SDHB: variants seen among roughly 807,000 people sequenced by gnomAD.
SDHB encodes the protein succinate dehydrogenase complex iron sulfur subunit B, also known as succinate dehydrogenase [ubiquinone] iron-sulfur subunit, mitochondrial.
In SDHB, 21 loss-of-function variants were observed where a neutral mutation model predicts 39.7. The ratio of observed to expected loss-of-function variants is 0.53; its 90% CI spans 0.37 to 0.76. The LOEUF (loss-of-function observed/expected upper bound fraction) is 0.76, where lower values mean the gene tolerates loss of function less well. SDHB is among the 30% of genes least tolerant of loss of function. The probability of loss-of-function intolerance (pLI) is 0.00; values close to 1 mark genes in which losing one functional copy is unlikely to be tolerated. For synonymous variants in SDHB, 118 were observed against 117.0 expected, an observed-to-expected ratio of 1.01 and a Z score of -0.06; for missense variants, 343 against 350.9, an observed-to-expected ratio of 0.98 and a Z score of 0.18.
rs2101528858 is a variant in SDHB at position 17,033,067 on chromosome 1, G to A, written c.279C>T (p.Cys93=). ...CAGGAATGAAATGCTCACCTTCTCTGCATGATCTTCGGAAGGTCAAAGTAG... is the reference window on the plus strand; with the variant it reads ...CAGGAATGAAATGCTCACCTTCTCTACATGATCTTCGGAAGGTCAAAGTAG... ...VDSTLTFRRS[C]REGICGSCAM... The change falls in exon 3 of 8, where the codon TGC becomes TGT. Residue 93 remains cysteine (C), a synonymous_variant. Coordinates refer to ENST00000375499, the MANE Select transcript of SDHB (RefSeq NM_003000.3). 3 of 1,612,186 alleles carry A rather than the reference G, an allele frequency of 1.9e-6. No individual in the cohort carries two copies. Among genetic ancestry groups the A allele is most frequent in the Non-Finnish European group, 2.5e-6 (3 of 1,178,248 alleles).
At chr1:17,032,642 T>C in intron 3 of SDHB, 1 of 293,458 alleles carries the variant, frequency 3.4e-6, no homozygotes, top group South Asian at 3.4e-5. Context: ...AGAACACAGC[T>C]ACCAAGGACA....
chr1:17,049,053 C>T (rs1357017756), intron 1 of SDHB, among the ~76,000 whole-genome samples: 1 of 151,970 alleles, frequency 6.6e-6, no homozygotes, highest in Non-Finnish European at 1.5e-5. Context: ...GCTTTATTGC[C>T]CAGGCTGGAG....
intron 1 of SDHB, among the ~76,000 whole-genome samples, chr1:17,047,425 C>T (rs2078118171): frequency 6.6e-6 from 1 of 151,828 alleles, no homozygotes; most frequent in Non-Finnish European, 1.5e-5. Context: ...ACCTGTAATC[C>T]CAGCACTTTG....
chr1:17,043,236 T>C (rs1299976021), intron 2 of SDHB, among the ~76,000 whole-genome samples: 2 of 152,066 alleles, frequency 1.3e-5, no homozygotes, highest in African/African-American at 4.8e-5. Flanking sequence ...GCTGGGATTA[T>C]AGTCATGAGC....
At chr1:17,043,829 C>CA (rs2078094584) in intron 2 of SDHB, among the ~76,000 whole-genome samples, 1 of 152,214 alleles carries the variant, frequency 6.6e-6, no homozygotes, top group Admixed American at 6.5e-5. Context: ...AGCAGAATGA[C>CA]AGAGACCTCG....
At chr1:17,039,510 C>G (rs1203016989) in intron 2 of SDHB, among the ~76,000 whole-genome samples, 1 of 151,458 alleles carries the variant, frequency 6.6e-6, no homozygotes, top group Non-Finnish European at 1.5e-5. Flanking sequence ...TTGCTTGAGC[C>G]TAGGAGGTCT....
At position 17,019,260 on chromosome 1, in the gene SDHB, A is replaced by G. The variant is rs532347969; in HGVS notation, c.766-302T>C. Among the ~76,000 whole-genome samples, 8 of 152,270 alleles carry G rather than the reference A, an allele frequency of 5.3e-5. No homozygotes were observed. The South Asian group carries it at 8.3e-4, about 16-fold the overall frequency. ...GTGCACTCTCTGACTGCTCAAAGAC[A>G]CTCAGGGTAGTGTCTCTTCTAGGAC... On this transcript the variant is annotated intron_variant, in intron 7 of 7. Transcript: ENST00000375499.
rs895331139 is a variant in SDHB, at chr1:17,027,771, G to A, written c.518C>T (p.Ser173Phe). The part of the protein sequence containing the change: ...SQEGKQQYLQ[S>F]IEEREKLDGL... ...GACCAGTTTCTCACGCTCTTCTATGGACTGCAGATACTGCTGCTTGCCTTC... is the reference window on the plus strand; with the variant it reads ...GACCAGTTTCTCACGCTCTTCTATGAACTGCAGATACTGCTGCTTGCCTTC... Residue 173 changes from serine to phenylalanine, a missense_variant, in exon 5 of 8, where the codon TCC becomes TTC. By Grantham distance (155) the Ser-to-Phe change is radical. Transcript: ENST00000375499. 1.2e-6 allele frequency: 2 copies of A among 1,603,208 alleles called. No individual in the cohort carries two copies. The highest frequency in any genetic ancestry group is 3.3e-5 in the Admixed American group (2 of 60,006).
intron 2 of SDHB, among the ~76,000 whole-genome samples, chr1:17,034,172 C>T (rs571315674): frequency 2.0e-5 from 3 of 151,762 alleles, no homozygotes; most frequent in South Asian, 2.1e-4. Context: ...TTTCTTGAGA[C>T]GGGGTCTTGC....
At position 17,022,615 on chromosome 1, in the gene SDHB, C is replaced by T. The variant is rs786201085; in HGVS notation, c.758G>A (p.Cys253Tyr). The change falls in exon 7 of 8, where the codon TGT becomes TAT. Residue 253 changes from cysteine (C) to tyrosine (Y), a missense_variant. Coordinates refer to ENST00000375499, the MANE Select transcript of SDHB (RefSeq NM_003000.3). ...CHTIMNCTRT[C>Y]PKGLNPGKAI... ...GTCACCAGCCCCACGTACCTTAGGA[C>T]AGGTCCTTGTGCAGTTCATGATGGT... The T allele has an allele frequency of 6.2e-7, 1 of 1,613,930 alleles. No homozygotes were observed.
At chr1:17,023,636 T>G (rs1161777665) in intron 6 of SDHB, among the ~76,000 whole-genome samples, 1 of 152,204 alleles carries the variant, frequency 6.6e-6, no homozygotes, top group Non-Finnish European at 1.5e-5. Context: ...CTCCCCTGCT[T>G]GCTCGCTACA....
At chr1:17,049,981 G>C (rs17466602) in intron 1 of SDHB, among the ~76,000 whole-genome samples, 3,969 of 152,134 alleles carry the variant, frequency 0.026, 115 homozygotes, top group Admixed American at 0.081. Context: ...ATTTAGTATT[G>C]TCAGTGGGCA....
intron 1 of SDHB, among the ~76,000 whole-genome samples, chr1:17,049,150 C>G (rs988420726): frequency 6.6e-6 from 1 of 152,142 alleles, no homozygotes; most frequent in Non-Finnish European, 1.5e-5. Context: ...TAGGTGCACA[C>G]CATCATGTCC....
chr1:17,024,587 AT>A (rs1321973257), intron 5 of SDHB, among the ~76,000 whole-genome samples: 1 of 152,152 alleles, frequency 6.6e-6, no homozygotes, highest in East Asian at 1.9e-4. Flanking sequence ...TTAACTGATC[AT>A]CACAGTAATC....
Position 17,018,912 on chromosome 1 carries a change from G to A in SDHB, c.812C>T (p.Ala271Val), listed in dbSNP as rs2077945936. Residue 271 changes from alanine (A) to valine (V), a missense_variant, in exon 8 of 8, where the codon GCA becomes GTA. By Grantham distance (64) the Ala-to-Val change is moderately conservative (BLOSUM62 0). Coordinates refer to ENST00000375499, the MANE Select transcript of SDHB (RefSeq NM_003000.3). ...KAIAEIKKMM[A>V]TYKEKKASV ...TGAAGCTTTCTTCTCCTTATAGGTT[G>A]CCATCATTTTCTTGATCTCTGCAAT... The A allele has an allele frequency of 6.2e-7, 1 of 1,612,812 alleles. No individual in the cohort carries two copies. Among genetic ancestry groups the A allele is most frequent in the Non-Finnish European group, 8.5e-7 (1 of 1,179,076 alleles).
Position 17,022,657 on chromosome 1 carries a change from G to C in SDHB, c.716C>G (p.Ser239Cys), listed in dbSNP as rs201098090. The change falls in exon 7 of 8, where the codon TCT becomes TGT. Residue 239 changes from serine to cysteine, a missense_variant. Physicochemically the swap from Ser to Cys is moderately radical, Grantham distance 112. Coordinates refer to ENST00000375499, the MANE Select transcript of SDHB (RefSeq NM_003000.3). ...ERLAKLQDPF[S>C]LYRCHTIMNC... ...CATGATGGTGTGGCAGCGGTATAGA[G>C]AGAATGGGTCCTGCAGCTTGGCCAG... The C allele has an allele frequency of 1.1e-5, 18 of 1,613,982 alleles. No homozygotes were observed. Among genetic ancestry groups the C allele is most frequent in the Non-Finnish European group, 1.4e-5 (17 of 1,179,994 alleles).
chr1:17,039,047 A>T (rs1003013187), intron 2 of SDHB, among the ~76,000 whole-genome samples: 11 of 151,952 alleles, frequency 7.2e-5, no homozygotes, highest in African/African-American at 1.2e-4. Context: ...TGCTTTTTTT[A>T]AAAAAATCTA....
chr1:17,024,958 G>A (rs775570287), intron 5 of SDHB, among the ~76,000 whole-genome samples: 5 of 152,158 alleles, frequency 3.3e-5, no homozygotes, highest in Non-Finnish European at 1.5e-5. Context: ...ACAGCTGGTG[G>A]GAGTGTCAAC....
intron 6 of SDHB, among the ~76,000 whole-genome samples, chr1:17,023,759 C>A (rs1353555073): frequency 6.6e-6 from 1 of 152,162 alleles, no homozygotes; most frequent in Admixed American, 6.5e-5. Flanking sequence ...TTGGGGTGAC[C>A]CTCACTGCAC....
Sources: allele counts gnomAD v4.1 joint callset (sites outside exome capture counted in the v4.1 genomes callset), GRCh38; gene constraint gnomAD v4.1.1; transcripts MANE v1.5; gene names NCBI Gene and HGNC (gene_info 2026-07-23, HGNC 2026-07-21).